The following SYT2 variants were observed in gnomAD, a reference collection of about 807,000 sequenced individuals.
The protein encoded by SYT2 is synaptotagmin-2.
In SYT2, 15 loss-of-function variants were observed where a neutral mutation model predicts 39.9. The observed-to-expected ratio is 0.38, with a 90% confidence interval of 0.25 to 0.58. SYT2 has a LOEUF of 0.58. Among genes scored for constraint, SYT2 ranks in the 20% least tolerant of loss-of-function variants. The pLI is 0.70. For missense variants in SYT2, 389 were observed against 530.3 expected (o/e 0.73, Z 2.62); for synonymous variants, 181 against 204.5 (o/e 0.89, Z 0.98).
At chr1:202,673,093 G>C (rs1653214964) in intron 1 of SYT2, among the ~76,000 whole-genome samples, 1 of 152,064 alleles carries the variant, frequency 6.6e-6, no homozygotes. Flanking sequence ...CCAGAAATCT[G>C]GGCTTATGGA....
chr1:202,701,740 G>GACCTTATGGACCCCCCTGAAAATTCTT (rs1654128184), intron 1 of SYT2, among the ~76,000 whole-genome samples: 1 of 152,138 alleles, frequency 6.6e-6, no homozygotes. Context: ...AAACTGCTTT[G>GACCTTATGGACCCCCCTGAAAATTCTT]ACCTTATGGA....
At chr1:202,653,887 G>A (rs1242098397) in intron 1 of SYT2, among the ~76,000 whole-genome samples, 3 of 152,206 alleles carry the variant, frequency 2.0e-5, no homozygotes, top group African/African-American at 7.2e-5. Context: ...AACTTGCTGT[G>A]TGACCTTGAC....
intron 3 of SYT2, chr1:202,604,157 G>T (rs1307567406): frequency 9.5e-6 from 3 of 315,002 alleles, no homozygotes; most frequent in African/African-American, 2.1e-5. Flanking sequence ...GTGTCTTGCT[G>T]GTGTGGGGCT....
chr1:202,650,986 G>T (rs370153195), intron 1 of SYT2, among the ~76,000 whole-genome samples: 3 of 152,128 alleles, frequency 2.0e-5, no homozygotes, highest in East Asian at 3.9e-4. Flanking sequence ...GGAAGAAGGG[G>T]CCGGGAGTGG....
In SYT2 at chr1:202,603,010, G is replaced by GA; in HGVS notation, c.453dup (p.Gln152SerfsTer3). 1 of 1,612,856 alleles carries GA rather than the reference G, an allele frequency of 6.2e-7. No homozygotes were observed. Among genetic ancestry groups the GA allele is most frequent in the Non-Finnish European group, 8.5e-7 (1 of 1,179,774 alleles). On this transcript the variant is annotated frameshift_variant, in exon 4 of 9. Transcript: ENST00000367268. LOFTEE classifies it high-confidence loss of function. ...ACAGCCCTGCATACCTGATTAGCCT[G>GA]AAAATCATAGTCCAGGGAAAACTGC...
At chr1:202,613,947 T>C (rs1690959207) in intron 1 of SYT2, among the ~76,000 whole-genome samples, 1 of 152,212 alleles carries the variant, frequency 6.6e-6, no homozygotes, top group Non-Finnish European at 1.5e-5. Flanking sequence ...CGTGAAAATT[T>C]TAAAAATAAA....
chr1:202,656,849 G>C (rs1692287351), intron 1 of SYT2, among the ~76,000 whole-genome samples: 2 of 152,176 alleles, frequency 1.3e-5, no homozygotes, highest in South Asian at 4.1e-4. Flanking sequence ...ATCTTTAAGA[G>C]TTACAGTGGA....
intron 1 of SYT2, among the ~76,000 whole-genome samples, chr1:202,701,240 G>A (rs1326300947): frequency 6.6e-6 from 1 of 152,012 alleles, no homozygotes; most frequent in African/African-American, 2.4e-5. Context: ...GTTCATTTTT[G>A]CAAAAATGCC....
In SYT2 at chr1:202,614,890, C is replaced by T. The variant is rs553381211; in HGVS notation, c.-17-9101G>A. On this transcript the variant is annotated intron_variant, in intron 1 of 8. Transcript: ENST00000367268. This position sits in a 1 kb window ranked among gnomAD's most constrained non-coding sequence, Gnocchi z 4.0. The stretch of plus-strand genomic sequence containing the variant: ...GCAGGATCAGGAGCACCATAGGCCG[C>T]GTCAAGGAGTTTTGTCTTTCCCAAA... Among the ~76,000 whole-genome samples the T allele has an allele frequency of 1.3e-5, 2 of 152,054 alleles. No homozygotes were observed. The highest frequency in any genetic ancestry group is 2.4e-5 in the African/African-American group (1 of 41,388).
chr1:202,666,219 T>G (rs1248127446), intron 1 of SYT2, among the ~76,000 whole-genome samples: 4 of 151,472 alleles, frequency 2.6e-5, no homozygotes, highest in African/African-American at 9.7e-5. Context: ...GAAAAAAAGA[T>G]TATCTAGTCC....
At chr1:202,643,885 G>A (rs551228518) in intron 1 of SYT2, among the ~76,000 whole-genome samples, 33 of 152,196 alleles carry the variant, frequency 2.2e-4, no homozygotes, top group Non-Finnish European at 3.7e-4. Flanking sequence ...CCACCCGCCA[G>A]CTCCGAGTTT....
At chr1:202,697,641 G>A (rs1004655225) in intron 1 of SYT2, among the ~76,000 whole-genome samples, 1 of 152,216 alleles carries the variant, frequency 6.6e-6, no homozygotes, top group Non-Finnish European at 1.5e-5. Context: ...AGGACTCAGG[G>A]TCCCAGGGGT....
chr1:202,678,685 T>C (rs770469220), intron 1 of SYT2, among the ~76,000 whole-genome samples: 4 of 152,294 alleles, frequency 2.6e-5, no homozygotes, highest in South Asian at 2.1e-4. Flanking sequence ...CTGCCTCTGA[T>C]AGGATCCTGC....
At chr1:202,620,769 G>A (rs1056943122) in intron 1 of SYT2, among the ~76,000 whole-genome samples, 1 of 152,168 alleles carries the variant, frequency 6.6e-6, no homozygotes, top group African/African-American at 2.4e-5. Flanking sequence ...GGGAAGGGGA[G>A]CTAGGCTGGA....
chr1:202,658,991 C>T (rs1375067213), intron 1 of SYT2, among the ~76,000 whole-genome samples: 3 of 152,188 alleles, frequency 2.0e-5, no homozygotes, highest in Non-Finnish European at 4.4e-5. Flanking sequence ...GCATAAGCCT[C>T]CTTCACATAG....
intron 6 of SYT2, among the ~76,000 whole-genome samples, chr1:202,600,973 T>G (rs1056688447): frequency 5.3e-5 from 8 of 152,174 alleles, no homozygotes; most frequent in Non-Finnish European, 1.0e-4. Context: ...ACCATTCCAC[T>G]TGTAGTATGA....
chr1:202,654,548 T>C (rs938038411), intron 1 of SYT2, among the ~76,000 whole-genome samples: 38 of 152,190 alleles, frequency 2.5e-4, no homozygotes, highest in Admixed American at 2.2e-3. Flanking sequence ...ATTCTCAGCA[T>C]TGGGGAGTTA....
At chr1:202,698,122 G>A (rs2149120327) in intron 1 of SYT2, among the ~76,000 whole-genome samples, 1 of 144,426 alleles carries the variant, frequency 6.9e-6, no homozygotes, top group Admixed American at 6.9e-5. Flanking sequence ...ACCCCCCCAA[G>A]GAAAGTTCAC....
At chr1:202,676,773 A>G (rs1653384053) in intron 1 of SYT2, among the ~76,000 whole-genome samples, 1 of 152,256 alleles carries the variant, frequency 6.6e-6, no homozygotes, top group Non-Finnish European at 1.5e-5. Context: ...GCTGAGTGAG[A>G]AAAAGCAAGT....
Sources: gnomAD v4.1 joint callset for allele counts (sites outside exome capture counted in the v4.1 genomes callset) on GRCh38, gnomAD v4.1.1 for gene constraint, Gnocchi (gnomAD v3.1) non-coding constraint, MANE v1.5 for transcripts, NCBI Gene and HGNC (gene_info 2026-07-23, HGNC 2026-07-21) for gene names.